ATAD1: variants seen among roughly 807,000 people sequenced by gnomAD.
ATAD1 encodes the protein outer mitochondrial transmembrane helix translocase.
ATAD1 carries 18 observed loss-of-function variants against 42.7 expected under a neutral mutation model. That is an observed-to-expected ratio of 0.42 (90% CI 0.29 to 0.63). The LOEUF is 0.63. Among genes scored for constraint, ATAD1 ranks in the 20% least tolerant of loss-of-function variants. ATAD1 has a pLI of 0.19. For missense variants in ATAD1, 294 were observed against 440.4 expected (o/e 0.67, Z 2.98); for synonymous variants, 132 against 143.1 (o/e 0.92, Z 0.55).
intron 2 of ATAD1, among the ~76,000 whole-genome samples, chr10:87,809,165 G>A (rs1192566590): frequency 1.3e-5 from 2 of 151,808 alleles, no homozygotes; most frequent in African/African-American, 4.8e-5. Flanking sequence ...CAAATTTATC[G>A]ACGTAACAGT....
Position 87,829,550 on chromosome 10 carries a change from G to A in ATAD1, c.-14+11637C>T, listed in dbSNP as rs760357763. On this transcript the variant is annotated intron_variant, in intron 1 of 4. Transcript: ENST00000495903. ...ATTACAGGCATGAGCCACCTCGCCC[G>A]GCCAGGATTCACCATTCTAAATGCC... 1.4e-4 allele frequency among the ~76,000 whole-genome samples: 22 copies of A among 152,222 alleles called. No individual in the cohort carries two copies. The South Asian group carries it at 2.1e-3, about 14-fold the overall frequency.
At chr10:87,763,847 T>TA (rs1327710856) in intron 8 of ATAD1, among the ~76,000 whole-genome samples, 1 of 152,152 alleles carries the variant, frequency 6.6e-6, no homozygotes, top group Non-Finnish European at 1.5e-5. Context: ...CATATATGCC[T>TA]TTGGGCAGAA....
At chr10:87,803,570 G>A (rs975645023) in intron 2 of ATAD1, among the ~76,000 whole-genome samples, 1 of 152,186 alleles carries the variant, frequency 6.6e-6, no homozygotes, top group African/African-American at 2.4e-5. Context: ...CCTGCTTCAG[G>A]TTGCCTCACC....
chr10:87,804,927 A>T (rs1466322320), intron 2 of ATAD1, among the ~76,000 whole-genome samples: 1 of 152,128 alleles, frequency 6.6e-6, no homozygotes, highest in Non-Finnish European at 1.5e-5. Flanking sequence ...TTACCAATTA[A>T]ATCTCCTGCC....
chr10:87,838,142 T>C (rs1857961726), intron 1 of ATAD1, among the ~76,000 whole-genome samples: 1 of 152,226 alleles, frequency 6.6e-6, no homozygotes, highest in African/African-American at 2.4e-5. Flanking sequence ...CTAGTCTTTT[T>C]CCCCAATTCA....
In ATAD1 at chr10:87,777,118, T is replaced by C. The variant is rs1457116296; in HGVS notation, c.584-691A>G. Among the ~76,000 whole-genome samples, 4 of 152,144 alleles carry C rather than the reference T, an allele frequency of 2.6e-5. No homozygotes were observed. In the East Asian group the frequency reaches 7.7e-4, roughly 29 times the overall value. On this transcript the variant is annotated intron_variant, in intron 5 of 9. Transcript: ENST00000680024. ...CTAAAAATACATTCATGACAACATATGTAAGAAAAATGAAGGATCTAGTAC... is the reference window on the plus strand; with the variant it reads ...CTAAAAATACATTCATGACAACATACGTAAGAAAAATGAAGGATCTAGTAC...
chr10:87,806,217 A>G (rs538787708), intron 2 of ATAD1, among the ~76,000 whole-genome samples: 1 of 152,142 alleles, frequency 6.6e-6, no homozygotes, highest in East Asian at 1.9e-4. Flanking sequence ...GTATTCATGT[A>G]GAAAAGACTA....
intron 2 of ATAD1, among the ~76,000 whole-genome samples, chr10:87,812,519 TC>T (rs1370084449): frequency 7.9e-5 from 12 of 152,136 alleles, no homozygotes; most frequent in Non-Finnish European, 1.8e-4. Context: ...TGTCTCGGCC[TC>T]CCAAAGTGCT....
At chr10:87,798,888 A>G (rs1856545256) in intron 2 of ATAD1, among the ~76,000 whole-genome samples, 1 of 152,102 alleles carries the variant, frequency 6.6e-6, no homozygotes, top group African/African-American at 2.4e-5. Flanking sequence ...ATGGTAGGAA[A>G]ATAAAATTTT....
intron 4 of ATAD1, 40 bp from the exon 5 acceptor site, chr10:87,784,710 T>C (rs759196151): frequency 1.5e-5 from 24 of 1,555,098 alleles, no homozygotes; most frequent in Non-Finnish European, 2.1e-5. Context: ...TAAGGGGATA[T>C]TTGCTTCAAT....
chr10:87,839,708 C>G (rs376329845), intron 1 of ATAD1, among the ~76,000 whole-genome samples: 49 of 152,098 alleles, frequency 3.2e-4, no homozygotes, highest in African/African-American at 1.1e-3. Flanking sequence ...TCTTTCTTCC[C>G]CCCCGCCGCC....
At chr10:87,786,727 T>C (rs12572581) in intron 4 of ATAD1, among the ~76,000 whole-genome samples, 44,660 of 151,934 alleles carry the variant, frequency 0.29, 6,776 homozygotes, top group Non-Finnish European at 0.31. Flanking sequence ...GAGGGCGAGG[T>C]GGGCAGATCA....
chr10:87,820,659 T>A (rs868692814), upstream of ATAD1, among the ~76,000 whole-genome samples: 5 of 152,124 alleles, frequency 3.3e-5, no homozygotes, highest in African/African-American at 9.7e-5. Context: ...GTCTACAAGC[T>A]CGAAAAGTGC....
intron 5 of ATAD1, among the ~76,000 whole-genome samples, chr10:87,783,424 C>CACACCAAA (rs1279640617): frequency 6.6e-6 from 1 of 151,454 alleles, no homozygotes; most frequent in Non-Finnish European, 1.5e-5. Flanking sequence ...GTTCAAGATG[C>CACACCAAA]ACACCAAAAC....
At chr10:87,818,274 C>G, upstream of ATAD1, 1 of 985,150 alleles carries the variant, frequency 1.0e-6, no homozygotes, top group Non-Finnish European at 1.2e-6. Flanking sequence ...CACTCCCTCC[C>G]ACGGAGCATG....
intron 2 of ATAD1, among the ~76,000 whole-genome samples, chr10:87,799,889 T>C (rs1856600210): frequency 6.6e-6 from 1 of 151,728 alleles, no homozygotes; most frequent in Non-Finnish European, 1.5e-5. Flanking sequence ...AACCAGGAAG[T>C]AAGAGACATG....
intron 4 of ATAD1, among the ~76,000 whole-genome samples, chr10:87,789,288 T>TA (rs1280901424): frequency 2.6e-5 from 4 of 152,202 alleles, no homozygotes; most frequent in Non-Finnish European, 5.9e-5. Context: ...ATGCATTAGA[T>TA]AAGAGTTTCT....
In ATAD1 at chr10:87,790,337, T is replaced by C; in HGVS notation, c.355A>G (p.Asn119Asp). Residue 119 changes from asparagine (N) to aspartate (D), a missense_variant, in exon 4 of 10, where the codon AAT becomes GAT. Physicochemically the swap from Asn to Asp is conservative, Grantham distance 23. Around this residue, in one of 3 missense-constraint regions of ATAD1, gnomAD observed 121 missense variants for 187.3 expected, o/e 0.65. Transcript: ENST00000680024. The stretch of plus-strand genomic sequence containing the variant: ...TTTGGAGGCTGCAGAAGCCTGGAAT[T>C]CTCAAACAAATGTTTCTTTTTGATA... ...LPIKKKHLFENSRLLQPPKGV... is the reference protein window; with the variant it reads ...LPIKKKHLFEDSRLLQPPKGV... 1.2e-6 allele frequency: 2 copies of C among 1,613,140 alleles called. No homozygotes were observed. Among genetic ancestry groups the C allele is most frequent in the Non-Finnish European group, 1.7e-6 (2 of 1,179,756 alleles).
chr10:87,833,669 A>T (rs1367429668), intron 1 of ATAD1, among the ~76,000 whole-genome samples: 1 of 140,458 alleles, frequency 7.1e-6, no homozygotes, highest in African/African-American at 2.6e-5. Context: ...TTTTTTTTTT[A>T]ATCTGAATGG....
Sources: allele counts gnomAD v4.1 joint callset (sites outside exome capture counted in the v4.1 genomes callset), GRCh38; gene constraint gnomAD v4.1.1; regional missense constraint gnomAD v4.1.1; transcripts MANE v1.5; gene names NCBI Gene and HGNC (gene_info 2026-07-23, HGNC 2026-07-21).